ZHX3: variants seen among roughly 807,000 people sequenced by gnomAD.
The protein encoded by ZHX3 is zinc fingers and homeoboxes protein 3.
A neutral mutation model predicts 64.5 loss-of-function variants in ZHX3; 20 were observed. The ratio of observed to expected loss-of-function variants is 0.31; its 90% CI spans 0.22 to 0.45. The LOEUF (loss-of-function observed/expected upper bound fraction) is 0.45. ZHX3 is among the 20% of genes least tolerant of loss of function. The pLI is 1.00. For synonymous variants in ZHX3, 423 were observed against 461.6 expected (o/e 0.92, Z 1.07); for missense variants, 1,041 against 1,195.8 (o/e 0.87, Z 1.91).
chr20:41,209,475 T>C (rs1200016340), intron 2 of ZHX3, among the ~76,000 whole-genome samples: 1 of 152,210 alleles, frequency 6.6e-6, no homozygotes, highest in Non-Finnish European at 1.5e-5. Context: ...CAAAACAGCA[T>C]GGTACTGGTA....
intron 2 of ZHX3, among the ~76,000 whole-genome samples, chr20:41,264,049 A>T (rs1311041579): frequency 6.6e-6 from 1 of 152,168 alleles, no homozygotes; most frequent in Non-Finnish European, 1.5e-5. Flanking sequence ...TGAGTTTTTA[A>T]TCAAAAATGT....
chr20:41,187,496 T>A (rs1168428630), intron 3 of ZHX3, among the ~76,000 whole-genome samples: 1 of 152,214 alleles, frequency 6.6e-6, no homozygotes, highest in Non-Finnish European at 1.5e-5. Context: ...TTTGCATGTA[T>A]ATATCCAGTT....
At chr20:41,276,555 CT>C (rs144273513) in intron 1 of ZHX3, among the ~76,000 whole-genome samples, 8 of 152,184 alleles carry the variant, frequency 5.3e-5, no homozygotes, top group East Asian at 1.9e-4. Flanking sequence ...ATGCTTAGCT[CT>C]TTTTTTCTTT....
At chr20:41,277,029 AT>A (rs1277878100) in intron 1 of ZHX3, among the ~76,000 whole-genome samples, 1 of 152,258 alleles carries the variant, frequency 6.6e-6, no homozygotes, top group African/African-American at 2.4e-5. Flanking sequence ...AAAAGACAAA[AT>A]TTCTGGTGGT....
chr20:41,259,141 T>C, intron 2 of ZHX3, among the ~76,000 whole-genome samples: 1 of 152,228 alleles, frequency 6.6e-6, no homozygotes, highest in East Asian at 1.9e-4. Context: ...TGGAGTCAGA[T>C]ACCATGAGCT....
chr20:41,191,585 G>C (rs2037023838), intron 3 of ZHX3, among the ~76,000 whole-genome samples: 1 of 152,086 alleles, frequency 6.6e-6, no homozygotes, highest in African/African-American at 2.4e-5. Flanking sequence ...TCATGTTTGT[G>C]TCCTTATGTT....
At chr20:41,257,841 G>A (rs761571824) in intron 2 of ZHX3, among the ~76,000 whole-genome samples, 13 of 145,506 alleles carry the variant, frequency 8.9e-5, no homozygotes, top group Non-Finnish European at 1.6e-4. Context: ...TCGAACTCCT[G>A]ACCTTGTGAT....
intron 1 of ZHX3, among the ~76,000 whole-genome samples, chr20:41,287,772 C>G (rs1194161567): frequency 6.6e-6 from 1 of 152,186 alleles, no homozygotes; most frequent in Non-Finnish European, 1.5e-5. Flanking sequence ...TGACTGCAAT[C>G]TCATGAGAGA....
At chr20:41,299,403 C>T (rs112468431) in intron 1 of ZHX3, among the ~76,000 whole-genome samples, 9 of 151,980 alleles carry the variant, frequency 5.9e-5, no homozygotes, top group African/African-American at 1.9e-4. Flanking sequence ...GCTCAGAAAA[C>T]TAAACATTGA....
chr20:41,301,465 C>T (rs2044801441), intron 1 of ZHX3, among the ~76,000 whole-genome samples: 1 of 152,204 alleles, frequency 6.6e-6, no homozygotes, highest in Non-Finnish European at 1.5e-5. Context: ...TCATACACCT[C>T]TCCTCCTCTT....
rs1019795256 is a variant in ZHX3, at chr20:41,184,960, T to G, written c.*231A>C. ...GGAAGGTAAAGGAAAGGTCCTACATTGTGGGAGGAAGAACTGATGAGAACC... is the reference window on the plus strand; with the variant it reads ...GGAAGGTAAAGGAAAGGTCCTACATGGTGGGAGGAAGAACTGATGAGAACC... On this transcript the variant is annotated 3_prime_UTR_variant, in exon 4 of 4. Transcript: ENST00000683867. The G allele has an allele frequency of 8.4e-5, 130 of 1,547,124 alleles. No individual in the cohort carries two copies. Among genetic ancestry groups the G allele is most frequent in the Non-Finnish European group, 1.1e-4 (124 of 1,146,974 alleles).
Position 41,204,034 on chromosome 20 carries a change from C to A in ZHX3, c.883G>T (p.Ala295Ser). 1.2e-6 allele frequency: 2 copies of A among 1,613,978 alleles called. No individual in the cohort carries two copies. The highest frequency in any genetic ancestry group is 1.7e-6 in the Non-Finnish European group (2 of 1,179,910). The change falls in exon 3 of 4, where the codon GCC becomes TCC. Residue 295 changes from alanine to serine, a missense_variant. Physicochemically the swap from Ala to Ser is moderately conservative, Grantham distance 99 (BLOSUM62 1). Transcript: ENST00000683867. The surrounding 1 kb of genome is among the most constrained non-coding windows in gnomAD (Gnocchi z 6.6). ...AGGGGGATCATCACTTTGGGAAGGG[C>A]CTTGGCCGTGGGCAGTGGCTGGTGG... ...HVHQPLPTAK[A>S]LPKVMIPLSS... is the part of the protein sequence containing the mutation.
chr20:41,267,653 T>C (rs1265719862), intron 2 of ZHX3: 1 of 152,238 alleles, frequency 6.6e-6, no homozygotes, highest in Non-Finnish European at 1.5e-5. Context: ...TTCCAGGGTA[T>C]GGTAAGGTAT....
chr20:41,231,095 T>A (rs981728877), intron 2 of ZHX3, among the ~76,000 whole-genome samples: 5 of 152,230 alleles, frequency 3.3e-5, no homozygotes, highest in African/African-American at 9.6e-5. Flanking sequence ...TTTTTCAGAA[T>A]GTCATATAGT....
chr20:41,245,863 T>G (rs995494285), intron 2 of ZHX3, among the ~76,000 whole-genome samples: 1 of 152,242 alleles, frequency 6.6e-6, no homozygotes, highest in Non-Finnish European at 1.5e-5. Context: ...ACTCATTATT[T>G]CTGGTTCCAC....
At chr20:41,199,702 C>CTTTT (rs34316877) in intron 3 of ZHX3, among the ~76,000 whole-genome samples, 1 of 136,750 alleles carries the variant, frequency 7.3e-6, no homozygotes, top group African/African-American at 2.7e-5. Context: ...TCAAAAAACT[C>CTTTT]TTTTTTTTTT....
intron 2 of ZHX3, among the ~76,000 whole-genome samples, chr20:41,215,289 T>C (rs758698000): frequency 6.6e-6 from 1 of 151,874 alleles, no homozygotes; most frequent in Non-Finnish European, 1.5e-5. Context: ...AAAATAAAAA[T>C]AAATAAATGG....
intron 1 of ZHX3, among the ~76,000 whole-genome samples, chr20:41,309,066 GT>G (rs1426285053): frequency 6.6e-6 from 1 of 152,064 alleles, no homozygotes. Context: ...AACAGGTTAT[GT>G]TTTTCTCTAT....
In ZHX3 at chr20:41,203,915, G is replaced by A. The variant is rs1344346717; in HGVS notation, c.1002C>T (p.Leu334=). ...ACTTGGTCACCACAGTCAAATAGCA[G>A]AGCTCGGCTTTGGTGGGGTAGGGGA... The part of the protein sequence containing the change: ...HKFPYPTKAE[L]CYLTVVTKYP... Residue 334 remains leucine, a synonymous_variant, in exon 3 of 4, where the codon CTC becomes CTT. Transcript: ENST00000683867. This position sits in a 1 kb window ranked among gnomAD's most constrained non-coding sequence, Gnocchi z 7.1. 1.2e-6 allele frequency: 2 copies of A among 1,614,124 alleles called. No individual in the cohort carries two copies. The highest frequency in any genetic ancestry group is 3.3e-5 in the Admixed American group (2 of 60,012).
Sources: gnomAD v4.1 joint callset for allele counts (sites outside exome capture counted in the v4.1 genomes callset) on GRCh38, gnomAD v4.1.1 for gene constraint, Gnocchi (gnomAD v3.1) non-coding constraint, MANE v1.5 for transcripts, NCBI Gene and HGNC (gene_info 2026-07-23, HGNC 2026-07-21) for gene names.